TNFAIP8: variants seen among roughly 807,000 people sequenced by gnomAD.
TNFAIP8 encodes tumor necrosis factor alpha-induced protein 8.
TNFAIP8 carries 7 observed loss-of-function variants against 13.3 expected under a neutral mutation model. That is an observed-to-expected ratio of 0.52 (90% CI 0.30 to 0.99). TNFAIP8 has a LOEUF of 0.99. Ranked by LOEUF, TNFAIP8 falls within the 50% of genes least tolerant of loss-of-function variation. TNFAIP8 has a pLI of 0.07. For missense variants in TNFAIP8, 258 were observed against 236.9 expected, an observed-to-expected ratio of 1.09 and a Z score of -0.58; for synonymous variants, 94 against 87.6, an observed-to-expected ratio of 1.07 and a Z score of -0.41.
chr5:119,357,811 T>TAC (rs1751490413), intron 1 of TNFAIP8, among the ~76,000 whole-genome samples: 2 of 152,052 alleles, frequency 1.3e-5, no homozygotes, highest in African/African-American at 4.8e-5. Context: ...TAAAATAATC[T>TAC]GAGGTAGTAG....
intron 1 of TNFAIP8, among the ~76,000 whole-genome samples, chr5:119,313,775 TAAG>T (rs1749803040): frequency 6.6e-6 from 1 of 152,350 alleles, no homozygotes; most frequent in Admixed American, 6.5e-5. Context: ...TCCTTGTGCT[TAAG>T]AAGTTTATAC....
chr5:119,309,823 G>T lies in TNFAIP8; in HGVS notation c.1+40916G>T, dbSNP rs896945247. On this transcript the variant is annotated intron_variant, in intron 1 of 1. Coordinates refer to the TNFAIP8 transcript ENST00000274456. ...CTTGTCTTATTGGCATTTAACATGC[G>T]GGCTCAAGAAGTCTGGGGCGGACCA... Among the ~76,000 whole-genome samples, 5 of 152,186 alleles carry T rather than the reference G, an allele frequency of 3.3e-5. 1 individual carries two copies. Among genetic ancestry groups the T allele is most frequent in the Admixed American group, 2.6e-4 (4 of 15,290 alleles).
chr5:119,347,065 A>G (rs997018393), intron 1 of TNFAIP8, among the ~76,000 whole-genome samples: 2 of 152,208 alleles, frequency 1.3e-5, no homozygotes, highest in African/African-American at 4.8e-5. Flanking sequence ...TTTCCTTAGC[A>G]TTGAAACAGG....
intron 1 of TNFAIP8, among the ~76,000 whole-genome samples, chr5:119,336,097 G>T (rs1750544139): frequency 6.6e-6 from 1 of 152,166 alleles, no homozygotes; most frequent in South Asian, 2.1e-4. Context: ...TAAGGGAGGG[G>T]GAGAGATGAG....
At chr5:119,381,319 T>C (rs1404024890) in intron 1 of TNFAIP8, among the ~76,000 whole-genome samples, 1 of 152,272 alleles carries the variant, frequency 6.6e-6, no homozygotes, top group Non-Finnish European at 1.5e-5. Flanking sequence ...GGATGGCAGA[T>C]TGTGTGAGCT....
chr5:119,308,422 C>T (rs1231732811), intron 1 of TNFAIP8, among the ~76,000 whole-genome samples: 1 of 140,684 alleles, frequency 7.1e-6, no homozygotes, highest in Admixed American at 7.3e-5. Context: ...GGTTTCCCAG[C>T]TGTGTGTGCA....
chr5:119,330,553 G>A (rs538137575), intron 1 of TNFAIP8, among the ~76,000 whole-genome samples: 1 of 152,204 alleles, frequency 6.6e-6, no homozygotes, highest in South Asian at 2.1e-4. Flanking sequence ...TCTCAGCCCT[G>A]TCCTATTGTG....
upstream of TNFAIP8, among the ~76,000 whole-genome samples, chr5:119,353,096 G>C (rs1031587091): frequency 3.9e-5 from 6 of 152,158 alleles, no homozygotes. Context: ...TGCTAACTTA[G>C]TTGCAATTTT....
Position 119,394,217 on chromosome 5 carries a change from G to C in TNFAIP8, c.*836G>C, listed in dbSNP as rs1049744400. 1 of 152,088 alleles carries C rather than the reference G, an allele frequency of 6.6e-6. No homozygotes were observed. The highest frequency in any genetic ancestry group is 1.5e-5 in the Non-Finnish European group (1 of 68,028). The allele number at this position is 152,088 out of a possible 1,614,324, so 9.4% of individuals were successfully genotyped here. The stretch of plus-strand genomic sequence containing the variant: ...TTGATATTGAGATAATAAAAAGTAA[G>C]TAGCATTAAGAAAGGTAACAATCTT... On this transcript the variant is annotated 3_prime_UTR_variant, in exon 2 of 2. Coordinates refer to ENST00000504771, the MANE Select transcript of TNFAIP8 (RefSeq NM_014350.4).
intron 1 of TNFAIP8, among the ~76,000 whole-genome samples, chr5:119,309,630 A>C (rs985785168): frequency 6.6e-6 from 1 of 152,208 alleles, no homozygotes; most frequent in African/African-American, 2.4e-5. Context: ...TGATCGAAGC[A>C]TCGGTGTTCA....
At chr5:119,327,948 A>G (rs1226036345) in intron 1 of TNFAIP8, among the ~76,000 whole-genome samples, 3 of 152,070 alleles carry the variant, frequency 2.0e-5, no homozygotes, top group Non-Finnish European at 2.9e-5. Context: ...GCTTAAGAAA[A>G]GAAGCTTCTG....
chr5:119,385,617 C>T (rs1752640031), intron 1 of TNFAIP8, among the ~76,000 whole-genome samples: 1 of 152,018 alleles, frequency 6.6e-6, no homozygotes, highest in African/African-American at 2.4e-5. Flanking sequence ...AGAGAAATTC[C>T]CTTCTAAAGA....
intron 1 of TNFAIP8, chr5:119,316,147 C>T (rs1233131882): frequency 1.4e-5 from 2 of 147,698 alleles, no homozygotes; most frequent in Non-Finnish European, 3.0e-5. Flanking sequence ...TGACCTTTTT[C>T]TAGTTCTTCC....
intron 1 of TNFAIP8, among the ~76,000 whole-genome samples, chr5:119,284,641 G>A (rs1312387696): frequency 2.0e-5 from 3 of 151,568 alleles, no homozygotes; most frequent in Middle Eastern, 3.2e-3. Flanking sequence ...AGATTGCATC[G>A]CTGCACTCCA....
At chr5:119,375,546 C>T (rs914977339) in intron 1 of TNFAIP8, among the ~76,000 whole-genome samples, 15 of 152,094 alleles carry the variant, frequency 9.9e-5, no homozygotes, top group African/African-American at 3.4e-4. Context: ...ACAGCAAGTT[C>T]GTATATTTTG....
chr5:119,323,113 A>G (rs940155774), intron 1 of TNFAIP8, among the ~76,000 whole-genome samples: 5 of 152,168 alleles, frequency 3.3e-5, no homozygotes, highest in African/African-American at 1.2e-4. Flanking sequence ...GCCACCAACT[A>G]AGACCAAGCC....
intron 1 of TNFAIP8, among the ~76,000 whole-genome samples, chr5:119,339,950 A>G (rs1187228743): frequency 1.3e-5 from 2 of 152,242 alleles, no homozygotes; most frequent in Non-Finnish European, 2.9e-5. Flanking sequence ...GCACACAAAT[A>G]AATGAAATGG....
intron 1 of TNFAIP8, among the ~76,000 whole-genome samples, chr5:119,370,339 C>T (rs1752025618): frequency 6.6e-6 from 1 of 152,180 alleles, no homozygotes; most frequent in African/African-American, 2.4e-5. Flanking sequence ...CATGAATCCA[C>T]ACATAAAACT....
chr5:119,297,686 G>C (rs1273776682), intron 1 of TNFAIP8, among the ~76,000 whole-genome samples: 1 of 152,160 alleles, frequency 6.6e-6, no homozygotes, highest in East Asian at 1.9e-4. Context: ...TTGTTGATCT[G>C]TCTAATGTTG....
Sources: gnomAD v4.1 joint callset for allele counts (sites outside exome capture counted in the v4.1 genomes callset) on GRCh38, gnomAD v4.1.1 for gene constraint, MANE v1.5 for transcripts, NCBI Gene and HGNC (gene_info 2026-07-23, HGNC 2026-07-21) for gene names.